TMEM117: variants seen among roughly 807,000 people sequenced by gnomAD.
TMEM117 encodes the protein transmembrane protein 117.
In TMEM117, 27 loss-of-function variants were observed where a neutral mutation model predicts 52.4. That is an observed-to-expected ratio of 0.51 (90% CI 0.38 to 0.71). TMEM117 has a LOEUF of 0.71. Among genes scored for constraint, TMEM117 ranks in the 30% least tolerant of loss-of-function variants. TMEM117 has a pLI of 0.00. For missense variants in TMEM117, 556 were observed against 630.5 expected (o/e 0.88, Z 1.26); for synonymous variants, 215 against 206.3 (o/e 1.04, Z -0.36).
intron 3 of TMEM117, among the ~76,000 whole-genome samples, chr12:44,025,652 A>T (rs78677365): frequency 6.6e-6 from 1 of 152,188 alleles, no homozygotes; most frequent in Admixed American, 6.6e-5. Context: ...TCGAAAAAAA[A>T]TGTTGCTGGC....
the TMEM117 span, among the ~76,000 whole-genome samples, chr12:44,396,191 T>C: frequency 6.6e-6 from 1 of 152,084 alleles, no homozygotes; most frequent in Non-Finnish European, 1.5e-5. Flanking sequence ...AGCTCTCCAT[T>C]GCATCACTTG....
chr12:44,243,452 A>G (rs1335332801), intron 5 of TMEM117, among the ~76,000 whole-genome samples: 1 of 151,920 alleles, frequency 6.6e-6, no homozygotes, highest in Non-Finnish European at 1.5e-5. Context: ...AATAAATAAT[A>G]ACTAAAGTAT....
intron 5 of TMEM117, among the ~76,000 whole-genome samples, chr12:44,240,178 TA>T (rs1287056304): frequency 2.0e-5 from 3 of 152,150 alleles, no homozygotes; most frequent in African/African-American, 7.2e-5. Flanking sequence ...GCATGATTTA[TA>T]GATTCCCAAC....
intron 3 of TMEM117, among the ~76,000 whole-genome samples, chr12:44,107,514 TG>T (rs1171558488): frequency 6.6e-6 from 1 of 152,110 alleles, no homozygotes; most frequent in African/African-American, 2.4e-5. Context: ...TCATTCACTG[TG>T]TCACTGTATT....
chr12:44,042,392 G>A (rs1255783858), intron 3 of TMEM117, among the ~76,000 whole-genome samples: 2 of 151,128 alleles, frequency 1.3e-5, no homozygotes, highest in Admixed American at 6.6e-5. Context: ...TATTGTGATG[G>A]TTAACACTGA....
chr12:43,863,498 AG>A (rs150002408), intron 2 of TMEM117, among the ~76,000 whole-genome samples: 2,159 of 152,314 alleles, frequency 0.014, 53 homozygotes, highest in African/African-American at 0.049. Flanking sequence ...TGACTCTAGA[AG>A]AAAGCCACAA....
intron 3 of TMEM117, among the ~76,000 whole-genome samples, chr12:43,951,151 A>G (rs139756350): frequency 9.2e-5 from 14 of 152,334 alleles, no homozygotes; most frequent in Admixed American, 2.6e-4. Context: ...TTTGCAATCC[A>G]TGAATCAAGA....
At chr12:44,371,464 A>G (rs560047447) in intron 6 of TMEM117, among the ~76,000 whole-genome samples, 40 of 152,308 alleles carry the variant, frequency 2.6e-4, no homozygotes, top group Admixed American at 1.7e-3. Flanking sequence ...AATCTAATCT[A>G]TCTCTTAATT....
chr12:43,812,455 G>T, the TMEM117 span, among the ~76,000 whole-genome samples: 1 of 152,188 alleles, frequency 6.6e-6, no homozygotes, highest in African/African-American at 2.4e-5. Flanking sequence ...CTGCAATGCA[G>T]CACATTTTAC....
At chr12:44,132,001 A>G (rs1423250753) in intron 3 of TMEM117, among the ~76,000 whole-genome samples, 6 of 152,068 alleles carry the variant, frequency 3.9e-5, no homozygotes, top group African/African-American at 1.4e-4. Context: ...CTTCAAATAT[A>G]TGATAATACC....
chr12:44,386,638 C>G (rs1311381621), intron 7 of TMEM117, among the ~76,000 whole-genome samples: 14 of 151,938 alleles, frequency 9.2e-5, no homozygotes, highest in Non-Finnish European at 1.9e-4. Context: ...CTATTATGTA[C>G]CAGGCACTGT....
At chr12:43,895,920 G>T (rs1202974830) in intron 2 of TMEM117, among the ~76,000 whole-genome samples, 4 of 151,956 alleles carry the variant, frequency 2.6e-5, no homozygotes, top group Admixed American at 2.0e-4. Context: ...GCTGATGAAG[G>T]CTGTAAGACT....
intron 3 of TMEM117, among the ~76,000 whole-genome samples, chr12:44,107,266 T>C (rs1947972899): frequency 6.6e-6 from 1 of 152,126 alleles, no homozygotes; most frequent in Admixed American, 6.6e-5. Flanking sequence ...GATTTGAACC[T>C]AGCCTCCTTG....
chr12:43,964,529 A>G (rs1307657111), intron 3 of TMEM117, among the ~76,000 whole-genome samples: 1 of 152,238 alleles, frequency 6.6e-6, no homozygotes, highest in East Asian at 1.9e-4. Context: ...GAATATTTAA[A>G]AAATCATCCC....
At chr12:44,121,195 A>G (rs12319132) in intron 3 of TMEM117, among the ~76,000 whole-genome samples, 2,372 of 152,336 alleles carry the variant, frequency 0.016, 68 homozygotes, top group African/African-American at 0.054. Context: ...GGTCCCTCCC[A>G]CAACACATGG....
rs116054929 is a variant in TMEM117, at chr12:44,368,290, C to G, written c.769-8305C>G. On this transcript the variant is annotated intron_variant, in intron 6 of 7. Transcript: ENST00000266534. ...TTATCACTATTTGACTTCACATTATCTTGCTATTTTCTGTTTGGTCTGTCT... is the reference window on the plus strand; with the variant it reads ...TTATCACTATTTGACTTCACATTATGTTGCTATTTTCTGTTTGGTCTGTCT... 2.5e-3 allele frequency among the ~76,000 whole-genome samples: 386 copies of G among 152,206 alleles called. 1 individual carries two copies. Among genetic ancestry groups the G allele is most frequent in the African/African-American group, 7.7e-3 (320 of 41,554 alleles).
chr12:44,129,012 C>T (rs1405475332), intron 3 of TMEM117, among the ~76,000 whole-genome samples: 2 of 152,088 alleles, frequency 1.3e-5, no homozygotes, highest in Non-Finnish European at 1.5e-5. Context: ...AAAGCTGTGC[C>T]ATTCTGATTA....
At chr12:43,998,146 T>C (rs947336171) in intron 3 of TMEM117, among the ~76,000 whole-genome samples, 1 of 152,168 alleles carries the variant, frequency 6.6e-6, no homozygotes, top group African/African-American at 2.4e-5. Context: ...TCACAACTGG[T>C]GCAATACCTA....
the TMEM117 span, among the ~76,000 whole-genome samples, chr12:43,825,994 C>G: frequency 2.6e-5 from 4 of 152,244 alleles, no homozygotes; most frequent in African/African-American, 7.2e-5. Context: ...TTCTCATTGT[C>G]TGAATCCAAA....
Sources: gnomAD v4.1 joint callset for allele counts (sites outside exome capture counted in the v4.1 genomes callset) on GRCh38, gnomAD v4.1.1 for gene constraint, MANE v1.5 for transcripts, NCBI Gene and HGNC (gene_info 2026-07-23, HGNC 2026-07-21) for gene names.